PTPRJ: variants seen among roughly 807,000 people sequenced by gnomAD.
PTPRJ encodes protein tyrosine phosphatase receptor type J.
A neutral mutation model predicts 141.3 loss-of-function variants in PTPRJ; 129 were observed. That is an observed-to-expected ratio of 0.91 (90% CI 0.79 to 1.06). The LOEUF is 1.06. PTPRJ is among the 50% of genes least tolerant of loss of function. PTPRJ has a pLI of 0.00. For synonymous variants in PTPRJ, 610 were observed against 640.5 expected (o/e 0.95, Z 0.72); for missense variants, 1,601 against 1,679.7 (o/e 0.95, Z 0.82).
In PTPRJ at chr11:48,136,115, C is replaced by T. The variant is rs752830587; in HGVS notation, c.1692C>T (p.Asp564=). The change falls in exon 9 of 25, where the codon GAC becomes GAT. Residue 564 remains aspartate (D), a synonymous_variant. Coordinates refer to ENST00000418331, the MANE Select transcript of PTPRJ (RefSeq NM_002843.4). ...TEMWLDWKSP[D]GASEYVYHLV... ...TGTGGCTGGACTGGAAGAGCCCTGACGGTGCTTCCGAGTATGTCTACCATT... is the reference window on the plus strand; with the variant it reads ...TGTGGCTGGACTGGAAGAGCCCTGATGGTGCTTCCGAGTATGTCTACCATT... 33 of 1,614,072 alleles carry T rather than the reference C, an allele frequency of 2.0e-5. No homozygotes were observed. Among genetic ancestry groups the T allele is most frequent in the South Asian group, 1.1e-4 (10 of 91,088 alleles).
chr11:48,149,301 C>A, intron 15 of PTPRJ, 146 bp from the exon 16 acceptor site: 1 of 652,102 alleles, frequency 1.5e-6, no homozygotes. Flanking sequence ...TATTAGGGGG[C>A]AGGATTTGGT....
At chr11:48,155,191 A>G (rs947951726) in intron 19 of PTPRJ, among the ~76,000 whole-genome samples, 2 of 152,178 alleles carry the variant, frequency 1.3e-5, no homozygotes, top group African/African-American at 4.8e-5. Flanking sequence ...AGTCTTATAC[A>G]TTCAATTTAT....
intron 1 of PTPRJ, among the ~76,000 whole-genome samples, chr11:47,996,827 C>A (rs1293813195): frequency 1.3e-5 from 2 of 152,180 alleles, no homozygotes; most frequent in African/African-American, 4.8e-5. Context: ...GAAGAGAAAT[C>A]GTTGGAGATG....
intron 1 of PTPRJ, among the ~76,000 whole-genome samples, chr11:48,011,644 G>A (rs140430408): frequency 2.8e-4 from 43 of 152,190 alleles, no homozygotes; most frequent in African/African-American, 9.9e-4. Context: ...TGCTCACTAA[G>A]TGTCTGGCAC....
At chr11:48,008,479 T>C (rs913694864) in intron 1 of PTPRJ, among the ~76,000 whole-genome samples, 1 of 151,244 alleles carries the variant, frequency 6.6e-6, no homozygotes, top group Non-Finnish European at 1.5e-5. Flanking sequence ...AGGCTGGTCT[T>C]GAACTTCTGA....
chr11:48,114,447 A>G (rs1188262750), intron 3 of PTPRJ, among the ~76,000 whole-genome samples: 24 of 151,062 alleles, frequency 1.6e-4, no homozygotes, highest in Admixed American at 1.6e-3. Flanking sequence ...AAAAAAAAAA[A>G]AAAAAAAAAA....
chr11:48,056,953 TCAAAACAAAA>T (rs761735478), intron 1 of PTPRJ, among the ~76,000 whole-genome samples: 2 of 152,132 alleles, frequency 1.3e-5, no homozygotes, highest in Non-Finnish European at 1.5e-5. Flanking sequence ...AAACTCTGTC[TCAAAACAAAA>T]CAAAACAAAA....
chr11:48,110,397 G>A (rs1237294358), intron 2 of PTPRJ, among the ~76,000 whole-genome samples: 1 of 152,036 alleles, frequency 6.6e-6, no homozygotes, highest in Non-Finnish European at 1.5e-5. Flanking sequence ...TAGTAGAGAC[G>A]GGGCTTCCCC....
intron 1 of PTPRJ, among the ~76,000 whole-genome samples, chr11:48,109,026 G>A (rs1035021010): frequency 5.3e-5 from 8 of 152,126 alleles, no homozygotes; most frequent in Admixed American, 2.6e-4. Context: ...ATGGCTGCTC[G>A]GAGAAGGACT....
At chr11:48,117,540 CA>C (rs71045545) in intron 3 of PTPRJ, among the ~76,000 whole-genome samples, 3 of 19,694 alleles carry the variant, frequency 1.5e-4, no homozygotes, top group Admixed American at 1.0e-3. Context: ...GATTCTGTCT[CA>C]AAAAAAAAAA....
chr11:48,150,789 G>C (rs1857462832), intron 18 of PTPRJ, among the ~76,000 whole-genome samples: 3 of 152,166 alleles, frequency 2.0e-5, no homozygotes, highest in South Asian at 4.1e-4. Context: ...GCCCTGCTCA[G>C]AGTGACCATG....
At chr11:48,130,170 C>G (rs1307753612) in intron 7 of PTPRJ, among the ~76,000 whole-genome samples, 2 of 151,150 alleles carry the variant, frequency 1.3e-5, no homozygotes, top group East Asian at 3.9e-4. Context: ...AGGTTCTCCT[C>G]CAGAGCCTGA....
chr11:48,105,219 A>G (rs915476172), intron 1 of PTPRJ, among the ~76,000 whole-genome samples: 1 of 151,496 alleles, frequency 6.6e-6, no homozygotes, highest in Non-Finnish European at 1.5e-5. Context: ...CCATCCCCCA[A>G]GCTCACCAGG....
At chr11:48,012,579 G>A (rs72899723) in intron 1 of PTPRJ, among the ~76,000 whole-genome samples, 2,525 of 152,156 alleles carry the variant, frequency 0.017, 34 homozygotes, top group Non-Finnish European at 0.023. Flanking sequence ...GGAGGCAAGA[G>A]CAACCCTGGC....
chr11:48,168,532 G>GTATATATATATATATATA lies in PTPRJ; in HGVS notation c.*1171_*1172insATATATATATATATATAT, dbSNP rs1555061195. ...GCCGTGACACATATCGGAATCTACT[G>GTATATATATATATATATA]TGTATATATATATATATATATATAT... On this transcript the variant is annotated 3_prime_UTR_variant, in exon 25 of 25. Coordinates refer to ENST00000418331, the MANE Select transcript of PTPRJ (RefSeq NM_002843.4). 4.6e-5 allele frequency: 2 copies of GTATATATATATATATATA among 43,900 alleles called. No individual in the cohort carries two copies. Among genetic ancestry groups the GTATATATATATATATATA allele is most frequent in the Non-Finnish European group, 8.6e-5 (2 of 23,218 alleles). 2.7% of individuals were successfully genotyped at this position (43,900 alleles called of 1,614,324 possible).
chr11:48,039,799 T>A (rs888200055), intron 1 of PTPRJ, among the ~76,000 whole-genome samples: 1 of 152,006 alleles, frequency 6.6e-6, no homozygotes, highest in African/African-American at 2.4e-5. Flanking sequence ...TTTCTTTTTT[T>A]TTTTTTGAGA....
intron 1 of PTPRJ, among the ~76,000 whole-genome samples, chr11:48,008,475 G>C (rs1274511914): frequency 1.3e-5 from 2 of 151,276 alleles, no homozygotes; most frequent in East Asian, 3.9e-4. Flanking sequence ...GGCCAGGCTG[G>C]TCTTGAACTT....
intron 1 of PTPRJ, among the ~76,000 whole-genome samples, chr11:48,000,293 A>G (rs1383474090): frequency 2.0e-5 from 3 of 150,118 alleles, no homozygotes; most frequent in African/African-American, 4.9e-5. Flanking sequence ...GATGTGTGCC[A>G]CCTCTCCTGG....
chr11:48,137,439 G>C lies in PTPRJ; in HGVS notation c.2152+158G>C, dbSNP rs146554904. Among the ~76,000 whole-genome samples, 10 of 152,114 alleles carry C rather than the reference G, an allele frequency of 6.6e-5. No homozygotes were observed. The East Asian group carries it at 1.5e-3, about 23-fold the overall frequency. Reference sequence around the variant, plus strand: ...CCTGTTAGCTTATCGGTGCTGTCTCGATGCCCTCATCATTTCTGCATTCAA... The same window carrying C: ...CCTGTTAGCTTATCGGTGCTGTCTCCATGCCCTCATCATTTCTGCATTCAA... On this transcript the variant is annotated intron_variant, in intron 10 of 24. Coordinates refer to ENST00000418331, the MANE Select transcript of PTPRJ (RefSeq NM_002843.4).
Sources: allele counts gnomAD v4.1 joint callset (sites outside exome capture counted in the v4.1 genomes callset), GRCh38; gene constraint gnomAD v4.1.1; transcripts MANE v1.5; gene names NCBI Gene and HGNC (gene_info 2026-07-23, HGNC 2026-07-21).